Variants in ARB2A observed in about 807,000 individuals in gnomAD.
ARB2A encodes cotranscriptional regulator ARB2A.
the ARB2A span, among the ~76,000 whole-genome samples, chr5:94,027,042 A>G: frequency 6.6e-6 from 1 of 152,226 alleles, no homozygotes; most frequent in Non-Finnish European, 1.5e-5. Flanking sequence ...GGCAGTAGAC[A>G]TAAGACTCCT....
the ARB2A span, among the ~76,000 whole-genome samples, chr5:93,764,347 TA>T: frequency 6.6e-6 from 1 of 151,866 alleles, no homozygotes; most frequent in African/African-American, 2.4e-5. Flanking sequence ...ATAGACGCAA[TA>T]AAAAATGATA....
chr5:93,857,572 CGT>C, the ARB2A span, among the ~76,000 whole-genome samples: 2 of 152,128 alleles, frequency 1.3e-5, no homozygotes, highest in Non-Finnish European at 2.9e-5. Flanking sequence ...ACTCCATGGG[CGT>C]AGGACCCTCC....
At chr5:93,773,376 C>T in the ARB2A span, among the ~76,000 whole-genome samples, 2 of 152,160 alleles carry the variant, frequency 1.3e-5, no homozygotes, top group African/African-American at 4.8e-5. Context: ...GTTGCTACTA[C>T]ACAATGGGTA....
chr5:94,000,846 C>T, the ARB2A span, among the ~76,000 whole-genome samples: 1 of 152,160 alleles, frequency 6.6e-6, no homozygotes, highest in Admixed American at 6.5e-5. Flanking sequence ...AGGTCTGTGA[C>T]TAAATTCGGT....
chr5:94,046,383 T>C, the ARB2A span, among the ~76,000 whole-genome samples: 8 of 151,844 alleles, frequency 5.3e-5, no homozygotes, highest in East Asian at 1.6e-3. Context: ...GAGTTGACAG[T>C]AGATTTGCAG....
At chr5:94,014,512 A>T in the ARB2A span, among the ~76,000 whole-genome samples, 3 of 152,234 alleles carry the variant, frequency 2.0e-5, no homozygotes, top group Non-Finnish European at 4.4e-5. Flanking sequence ...ACAACAGCAA[A>T]CAGGGAACCA....
chr5:94,027,124 T>C, the ARB2A span, among the ~76,000 whole-genome samples: 5 of 152,168 alleles, frequency 3.3e-5, no homozygotes, highest in African/African-American at 1.2e-4. Flanking sequence ...CCCAACATCC[T>C]TGGGGGTAAT....
chr5:93,777,993 G>A, the ARB2A span, among the ~76,000 whole-genome samples: 1 of 152,108 alleles, frequency 6.6e-6, no homozygotes, highest in Non-Finnish European at 1.5e-5. Context: ...GTAAGAAACA[G>A]TAGATCAATG....
the ARB2A span, chr5:93,735,271 C>G: frequency 2.0e-5 from 3 of 152,210 alleles, no homozygotes. Context: ...CCAGCCTTTT[C>G]TCTTTTCACA....
At chr5:94,046,548 G>A in the ARB2A span, among the ~76,000 whole-genome samples, 23 of 152,110 alleles carry the variant, frequency 1.5e-4, no homozygotes, top group African/African-American at 5.1e-4. Flanking sequence ...CCAGGAAGGC[G>A]CCAACTTAAC....
the ARB2A span, among the ~76,000 whole-genome samples, chr5:94,014,595 G>GCTGCTACACTGCT: frequency 2.0e-5 from 3 of 151,980 alleles, no homozygotes; most frequent in African/African-American, 7.3e-5. Flanking sequence ...TGAGCTTTCT[G>GCTGCTACACTGCT]ACCAAGAATT....
chr5:93,862,739 T>C, the ARB2A span: 1 of 152,092 alleles, frequency 6.6e-6, no homozygotes, highest in Non-Finnish European at 1.5e-5. Context: ...AGGTTAGGTA[T>C]TAGATATAAG....
chr5:93,622,273 CAG>C, the ARB2A span, among the ~76,000 whole-genome samples: 5 of 152,172 alleles, frequency 3.3e-5, no homozygotes, highest in Admixed American at 2.0e-4. Context: ...CTCAATTATG[CAG>C]AGAGATACCG....
chr5:93,960,217 A>C, the ARB2A span, among the ~76,000 whole-genome samples: 1 of 152,068 alleles, frequency 6.6e-6, no homozygotes, highest in Admixed American at 6.6e-5. Context: ...TCAGTAAGAG[A>C]TGGCTTAGGC....
the ARB2A span, chr5:94,074,525 A>T: frequency 1.4e-6 from 1 of 694,638 alleles, no homozygotes; most frequent in Non-Finnish European, 2.3e-6. Context: ...AAATAATTGC[A>T]AATACTTTAG....
At chr5:94,102,956 A>AT in the ARB2A span, among the ~76,000 whole-genome samples, 1 of 152,250 alleles carries the variant, frequency 6.6e-6, no homozygotes, top group Non-Finnish European at 1.5e-5. Flanking sequence ...TCCTTTTCAG[A>AT]TAAGCAAATA....
the ARB2A span, among the ~76,000 whole-genome samples, chr5:93,992,036 A>G: frequency 2.0e-5 from 3 of 152,120 alleles, no homozygotes; most frequent in African/African-American, 4.8e-5. Flanking sequence ...AACACATTAC[A>G]TAGAGGGTAA....
chr5:94,074,903 C>T, the ARB2A span: 30 of 567,462 alleles, frequency 5.3e-5, no homozygotes, highest in Non-Finnish European at 6.2e-5. Context: ...TGCCATAGTA[C>T]TTATTATTGT....
At chr5:93,776,088 T>G in the ARB2A span, 13 of 1,223,410 alleles carry the variant, frequency 1.1e-5, 1 homozygote, top group South Asian at 1.8e-4. Flanking sequence ...AAAACAGAAT[T>G]CTACATTTCA....
Sources: gnomAD v4.1 joint callset for allele counts (sites outside exome capture counted in the v4.1 genomes callset) on GRCh38, gnomAD v4.1.1 for gene constraint, MANE v1.5 for transcripts, NCBI Gene and HGNC (gene_info 2026-07-23, HGNC 2026-07-21) for gene names.